The following APBA3 variants were observed in gnomAD, a reference collection of about 807,000 sequenced individuals.
APBA3 encodes amyloid beta precursor protein binding family A member 3.
A neutral mutation model predicts 55.9 loss-of-function variants in APBA3; 45 were observed. That is an observed-to-expected ratio of 0.80 (90% CI 0.63 to 1.03). The LOEUF (loss-of-function observed/expected upper bound fraction) is 1.03. Ranked by LOEUF, APBA3 falls within the 50% of genes least tolerant of loss-of-function variation. The probability of loss-of-function intolerance (pLI) is 0.00; values close to 1 mark genes in which losing one functional copy is unlikely to be tolerated. For synonymous variants in APBA3, 370 were observed against 353.3 expected (o/e 1.05, Z -0.53); for missense variants, 865 against 820.3 (o/e 1.05, Z -0.67).
Position 3,760,058 on chromosome 19 carries a change from G to T in APBA3, c.207C>A (p.Gly69=), listed in dbSNP as rs61729800. ...CACCTGGGGATGGGCCCACCAGATC[G>T]CCTGGCAGAGCTTCAAACTGCTGCA... is the stretch of plus-strand genomic sequence containing the variant. The part of the protein sequence containing the change: ...ELVQQFEALP[G]DLVGPSPGGA... The change falls in exon 2 of 11, where the codon GGC becomes GGA. Residue 69 remains glycine (G), a synonymous_variant. Coordinates refer to ENST00000316757, the MANE Select transcript of APBA3 (RefSeq NM_004886.4). The T allele has an allele frequency of 4.3e-6, 7 of 1,613,102 alleles. No individual in the cohort carries two copies. The South Asian group carries it at 7.7e-5, about 18-fold the overall frequency.
chr19:3,753,709 C>T (rs553701459), intron 6 of APBA3, 56 bp downstream of exon 6: 60 of 1,425,944 alleles, frequency 4.2e-5, no homozygotes, highest in African/African-American at 4.0e-4. Flanking sequence ...CTGAGGGAGG[C>T]GACAGTTGCA....
In APBA3 at chr19:3,751,028, A is replaced by G. The variant is rs1416576385; in HGVS notation, c.1726T>C (p.Ter576ArgextTer36). 1.3e-6 allele frequency: 2 copies of G among 1,558,644 alleles called. No individual in the cohort carries two copies. Among genetic ancestry groups the G allele is most frequent in the South Asian group, 2.4e-5 (2 of 84,544 alleles). ...LTGQEQPVYL* is the reference protein window; with the variant it reads ...LTGQEQPVYLR ...GTGGCAGGCAAGGGATGAGGTGGTC[A>G]CAGGTACACGGGCTGCTCCTGGCCT... is the stretch of plus-strand genomic sequence containing the variant. The change falls in exon 11 of 11, where the codon TGA (stop) becomes CGA (arginine). Residue 576 changes from the stop codon to arginine, a stop_lost. Coordinates refer to ENST00000316757, the MANE Select transcript of APBA3 (RefSeq NM_004886.4).
Position 3,760,284 on chromosome 19 carries a change from G to GC in APBA3, c.-21dup. 1 of 1,571,234 alleles carries GC rather than the reference G, an allele frequency of 6.4e-7. No individual in the cohort carries two copies. The highest frequency in any genetic ancestry group is 8.6e-7 in the Non-Finnish European group (1 of 1,168,336). ...GTCCATGCCTGGACTCCAGGCTTAG[G>GC]CCGGCATCTTCAGGCAGCTGAAAGA... is the stretch of plus-strand genomic sequence containing the variant. On this transcript the variant is annotated 5_prime_UTR_variant, in exon 2 of 11. The change abolishes the stop of an existing upstream ORF in the 5' untranslated region. Transcript: ENST00000316757.
At chr19:3,758,695 C>T (rs1228683691) in intron 3 of APBA3, among the ~76,000 whole-genome samples, 2 of 152,032 alleles carry the variant, frequency 1.3e-5, no homozygotes, top group African/African-American at 4.8e-5. Flanking sequence ...CTGGCCAACA[C>T]AGTGAAACCC....
intron 1 of APBA3, among the ~76,000 whole-genome samples, chr19:3,760,774 G>T (rs2037136733): frequency 6.6e-6 from 1 of 151,684 alleles, no homozygotes; most frequent in Admixed American, 6.6e-5. Flanking sequence ...CTAGCTAGGG[G>T]TGGTGGTGTA....
Position 3,751,326 on chromosome 19 carries a change from A to G in APBA3, c.1519T>C (p.Cys507Arg). Residue 507 changes from cysteine (C) to arginine (R), a missense_variant, in exon 10 of 11, where the codon TGC becomes CGC. By Grantham distance (180) the Cys-to-Arg change is radical. Transcript: ENST00000316757. Reference sequence around the variant, plus strand: ...GCGATGCCACCACGGAGGAGGCTGCAGATCTGGGGGAGAAAAGAGGGGGAC... The same window carrying G: ...GCGATGCCACCACGGAGGAGGCTGCGGATCTGGGGGAGAAAAGAGGGGGAC... ...LGFCVEDGII[C>R]SLLRGGIAER... is the part of the protein sequence containing the mutation. 6.5e-7 allele frequency: 1 copy of G among 1,534,092 alleles called. No homozygotes were observed. Among genetic ancestry groups the G allele is most frequent in the Non-Finnish European group, 8.7e-7 (1 of 1,143,306 alleles).
At chr19:3,752,383 G>C in intron 8 of APBA3, 125 bp downstream of exon 8, 1 of 888,458 alleles carries the variant, frequency 1.1e-6, no homozygotes. Context: ...CCAGTGGGCA[G>C]GACTTAAAAG....
At chr19:3,752,792 G>C (rs1166152196) in intron 7 of APBA3, 28 bp downstream of exon 7, 1 of 1,610,618 alleles carries the variant, frequency 6.2e-7, no homozygotes, top group Non-Finnish European at 8.5e-7. Context: ...GGGGGCACCA[G>C]GTGGGGGCTG....
chr19:3,758,913 A>C (rs2037111197), intron 3 of APBA3, among the ~76,000 whole-genome samples: 1 of 151,302 alleles, frequency 6.6e-6, no homozygotes, highest in Non-Finnish European at 1.5e-5. Flanking sequence ...TCAATGAAAA[A>C]AAAAGTCAAT....
intron 6 of APBA3, 93 bp downstream of exon 6, chr19:3,753,672 T>G: frequency 2.5e-6 from 3 of 1,218,886 alleles, no homozygotes; most frequent in Non-Finnish European, 2.2e-6. Flanking sequence ...AATAAGCTTA[T>G]GGGAGGGAGG....
Position 3,752,892 on chromosome 19 carries a change from G to A in APBA3, c.1110C>T (p.His370=), listed in dbSNP as rs1222303187. The stretch of plus-strand genomic sequence containing the variant: ...GGAGGTGGCAGGCGCCTGGGCTCGG[G>A]TGCACGCCCACCTGGCTGGGGTCAA... The part of the protein sequence containing the change: ...SGIDPSQVGV[H]PSPGACHLHN... The change falls in exon 7 of 11, where the codon CAC becomes CAT. Residue 370 remains histidine, a synonymous_variant. Coordinates refer to ENST00000316757, the MANE Select transcript of APBA3 (RefSeq NM_004886.4). 2 of 1,613,322 alleles carry A rather than the reference G, an allele frequency of 1.2e-6. No homozygotes were observed. The highest frequency in any genetic ancestry group is 2.2e-5 in the East Asian group (1 of 44,844).
chr19:3,759,855 CG>C lies in APBA3; in HGVS notation c.409del (p.Arg137AspfsTer45). On this transcript the variant is annotated frameshift_variant, in exon 2 of 11. Transcript: ENST00000316757. LOFTEE classifies it high-confidence loss of function. ...GPEEPLEPAP[R>X]LLQPPEDPDE... is the part of the protein sequence containing the mutation. The stretch of plus-strand genomic sequence containing the variant: ...TGGGTCCTCAGGGGGCTGCAACAGT[CG>C]GGGGGCAGGCTCTAGAGGCTCTTCA... The C allele has an allele frequency of 6.2e-7, 1 of 1,612,422 alleles. No homozygotes were observed.
chr19:3,751,763 T>G, intron 8 of APBA3: 1 of 590,370 alleles, frequency 1.7e-6, no homozygotes, highest in South Asian at 2.4e-5. Flanking sequence ...ATCGCTTCCT[T>G]ATGGCCAAAA....
At chr19:3,758,230 A>G (rs902495304) in intron 3 of APBA3, among the ~76,000 whole-genome samples, 6 of 151,778 alleles carry the variant, frequency 4.0e-5, no homozygotes, top group Admixed American at 2.0e-4. Flanking sequence ...CACCGCGCCC[A>G]GCTTATGCAC....
rs771081780 is a variant in APBA3 at position 3,753,939 on chromosome 19, A to AG, written c.850-14dup. On this transcript the variant is annotated splice_polypyrimidine_tract_variant and intron_variant, in intron 5 of 10. Coordinates refer to ENST00000316757, the MANE Select transcript of APBA3 (RefSeq NM_004886.4). ...CCATCATGGCCTCCTGGGGCGGGAG[A>AG]GGCAGCCTGGGTGGGTTGGGGGGCC... 1.9e-6 allele frequency: 3 copies of AG among 1,555,446 alleles called. No homozygotes were observed. The highest frequency in any genetic ancestry group is 4.8e-5 in the East Asian group (2 of 41,490).
rs1364959408 is a variant in APBA3 at position 3,751,681 on chromosome 19, C to A, written c.1396-128G>T. The A allele has an allele frequency of 3.6e-6, 4 of 1,119,240 alleles. No homozygotes were observed. In the African/African-American group the frequency reaches 4.8e-5, roughly 13 times the overall value. 69.3% of individuals were successfully genotyped at this position (1,119,240 alleles called of 1,614,324 possible). A position where few individuals can be genotyped will look rare whatever the true frequency, so the allele number is the denominator to read the frequency against. On this transcript the variant is annotated intron_variant, in intron 8 of 10. Transcript: ENST00000316757. ...AGTCCAGGGGCTCAATTCTGGAAGACCCCCTCAGATGTGATAGAGAACAGA... is the reference window on the plus strand; with the variant it reads ...AGTCCAGGGGCTCAATTCTGGAAGAACCCCTCAGATGTGATAGAGAACAGA...
chr19:3,753,143 G>A, intron 6 of APBA3, 153 bp from the exon 7 acceptor site: 2 of 852,842 alleles, frequency 2.3e-6, no homozygotes, highest in Non-Finnish European at 3.5e-6. Flanking sequence ...GGGGGAGGTG[G>A]AGAGACAGCC....
Position 3,759,995 on chromosome 19 carries a change from G to T in APBA3, c.270C>A (p.Gly90=). The change falls in exon 2 of 11, where the codon GGC becomes GGA. Residue 90 remains glycine, a synonymous_variant. Transcript: ENST00000316757. ...PCPLHIATGH[G]LASQEIADAH... is the part of the protein sequence containing the mutation. ...CATCAGCAATCTCCTGGGAGGCCAG[G>T]CCATGGCCTGTGGCAATGTGTAGGG... 1.9e-6 allele frequency: 3 copies of T among 1,611,736 alleles called. No individual in the cohort carries two copies. Among genetic ancestry groups the T allele is most frequent in the Non-Finnish European group, 2.5e-6 (3 of 1,179,546 alleles).
chr19:3,752,872 T>C lies in APBA3; in HGVS notation c.1130A>G (p.His377Arg). 1 of 1,613,238 alleles carries C rather than the reference T, an allele frequency of 6.2e-7. No homozygotes were observed. The highest frequency in any genetic ancestry group is 8.5e-7 in the Non-Finnish European group (1 of 1,179,838). ...VGVHPSPGAC[H>R]LHNGDLDHFS... Reference sequence around the variant, plus strand: ...GTGGTCCAGGTCCCCATTATGGAGGTGGCAGGCGCCTGGGCTCGGGTGCAC... The same window carrying C: ...GTGGTCCAGGTCCCCATTATGGAGGCGGCAGGCGCCTGGGCTCGGGTGCAC... The change falls in exon 7 of 11, where the codon CAC (histidine) becomes CGC (arginine). Residue 377 changes from histidine to arginine, a missense_variant. Physicochemically the swap from His to Arg is conservative, Grantham distance 29. Coordinates refer to ENST00000316757, the MANE Select transcript of APBA3 (RefSeq NM_004886.4).
Sources: gnomAD v4.1 joint callset for allele counts (sites outside exome capture counted in the v4.1 genomes callset) on GRCh38, gnomAD v4.1.1 for gene constraint, MANE v1.5 for transcripts, NCBI Gene and HGNC (gene_info 2026-07-23, HGNC 2026-07-21) for gene names.